PRH1: variants seen among roughly 807,000 people sequenced by gnomAD.
PRH1 encodes proline rich protein HaeIII subfamily 1, also known as salivary acidic proline-rich phosphoprotein 1/2.
PRH1 carries 7 observed loss-of-function variants against 7.9 expected under a neutral mutation model. That is an observed-to-expected ratio of 0.89 (90% CI 0.50 to 1.67). PRH1 has a LOEUF of 1.67. Among genes scored for constraint, PRH1 ranks in the 40% most tolerant of loss-of-function variants. The pLI is 0.00. For synonymous variants in PRH1, 45 were observed against 80.8 expected (o/e 0.56, Z 2.38); for missense variants, 109 against 223.6 (o/e 0.49, Z 3.27).
intron 1 of PRH1, among the ~76,000 whole-genome samples, chr12:11,085,991 A>G (rs1035151329): frequency 0.35 from 29,110 of 83,670 alleles, 2,871 homozygotes; most frequent in Non-Finnish European, 0.44. Flanking sequence ...TACTAAAAGC[A>G]TCCAAGGTTT....
rs1434722490 is a variant in PRH1, at chr12:11,098,099, A to G, written n.124-50911T>C. Among the ~76,000 whole-genome samples, 4 of 82,074 alleles carry G rather than the reference A, an allele frequency of 4.9e-5. 1 individual carries two copies. The highest frequency in any genetic ancestry group is 1.2e-4 in the African/African-American group (4 of 32,388). 53.8% of individuals were successfully genotyped at this position (82,074 alleles called of 152,430 possible). A position where few individuals can be genotyped will look rare whatever the true frequency, so the allele number is the denominator to read the frequency against. ...CAAATAGTCTATGCAATAATACAGT[A>G]TATCAACTTTAGTTTATCTTTTAAT... On this transcript the variant is annotated intron_variant and non_coding_transcript_variant, in intron 1 of 4. Transcript: ENST00000541977.
chr12:11,044,736 A>C (rs753128281), intron 1 of PRH1, among the ~76,000 whole-genome samples: 21 of 152,176 alleles, frequency 1.4e-4, no homozygotes, highest in Non-Finnish European at 2.2e-4. Context: ...GAGAAATGCA[A>C]ACCAAAACTA....
At chr12:11,026,507 A>G (rs921348151) in intron 1 of PRH1, among the ~76,000 whole-genome samples, 3 of 148,730 alleles carry the variant, frequency 2.0e-5, no homozygotes, top group Middle Eastern at 3.2e-3. Context: ...ACATTATTAT[A>G]GCAGGACCAA....
intron 2 of PRH1, among the ~76,000 whole-genome samples, chr12:10,970,965 T>C (rs1310660833): frequency 6.6e-6 from 1 of 152,252 alleles, no homozygotes; most frequent in East Asian, 1.9e-4. Context: ...GAATATGTAG[T>C]TTCAGTGTAA....
At chr12:11,037,659 T>C (rs1942494776) in intron 1 of PRH1, among the ~76,000 whole-genome samples, 1 of 152,264 alleles carries the variant, frequency 6.6e-6, no homozygotes, top group Non-Finnish European at 1.5e-5. Context: ...TAATAAATAT[T>C]CAAATTTTGA....
chr12:10,934,483 G>A (rs1407494241), intron 2 of PRH1, among the ~76,000 whole-genome samples: 1 of 151,980 alleles, frequency 6.6e-6, no homozygotes, highest in Admixed American at 6.6e-5. Flanking sequence ...ATTATAATGA[G>A]GATACTATAC....
intron 1 of PRH1, among the ~76,000 whole-genome samples, chr12:11,073,978 G>T (rs112906603): frequency 0.49 from 59,737 of 121,174 alleles, 12,188 homozygotes; most frequent in Non-Finnish European, 0.58. Context: ...ACTACACAAG[G>T]CATCTGCTTA....
chr12:11,125,628 T>G (rs1344953589), intron 1 of PRH1, among the ~76,000 whole-genome samples: 2 of 152,298 alleles, frequency 1.3e-5, no homozygotes, highest in African/African-American at 4.8e-5. Flanking sequence ...ATTATAATCT[T>G]TGAATGGTAA....
intron 1 of PRH1, among the ~76,000 whole-genome samples, chr12:11,069,193 A>G (rs76942475): frequency 0.52 from 62,253 of 119,800 alleles, 13,717 homozygotes; most frequent in Non-Finnish European, 0.6. Flanking sequence ...GCTCAATTAC[A>G]GGCTTGAGCC....
intron 1 of PRH1, among the ~76,000 whole-genome samples, chr12:10,977,049 TC>T (rs1307547206): frequency 6.6e-6 from 1 of 152,130 alleles, no homozygotes; most frequent in East Asian, 1.9e-4. Flanking sequence ...AAGGGACTCC[TC>T]CATAACTCAT....
intron 1 of PRH1, among the ~76,000 whole-genome samples, chr12:11,110,349 C>T (rs1167996047): frequency 6.6e-6 from 1 of 151,840 alleles, no homozygotes; most frequent in Non-Finnish European, 1.5e-5. Flanking sequence ...AGAAGAGCAC[C>T]CAAAAATACA....
chr12:10,984,957 T>C (rs1939531390), intron 1 of PRH1, among the ~76,000 whole-genome samples: 1 of 152,012 alleles, frequency 6.6e-6, no homozygotes, highest in Admixed American at 6.6e-5. Context: ...TATTTTTACA[T>C]AGAGTATTTT....
intron 1 of PRH1, among the ~76,000 whole-genome samples, chr12:11,123,844 T>C (rs189471332): frequency 9.5e-4 from 145 of 152,344 alleles, no homozygotes; most frequent in African/African-American, 3.3e-3. Flanking sequence ...TTTTTAGTTT[T>C]CTTGTTTTAG....
intron 2 of PRH1, among the ~76,000 whole-genome samples, chr12:10,906,663 AG>A (rs1386429919): frequency 6.6e-6 from 1 of 152,194 alleles, no homozygotes; most frequent in Non-Finnish European, 1.5e-5. Flanking sequence ...TGTTTTTATA[AG>A]GGGTTTCCCC....
intron 1 of PRH1, among the ~76,000 whole-genome samples, chr12:11,146,679 C>T (rs1946870641): frequency 6.6e-6 from 1 of 152,094 alleles, no homozygotes; most frequent in Non-Finnish European, 1.5e-5. Flanking sequence ...AAATAATTTA[C>T]ATTTTTCTTA....
At position 11,022,484 on chromosome 12, in the gene PRH1, C is replaced by G. The variant is rs148321574; in HGVS notation, c.-126+24536G>C. ...GTGTTAACCCAGTCAATGACATTTA[C>G]TAGGGCTATGAAGCCATTGGCAACA... On this transcript the variant is annotated intron_variant, in intron 1 of 3. Transcript: ENST00000539853. 79 of 1,596,912 alleles carry G rather than the reference C, an allele frequency of 4.9e-5. No homozygotes were observed. In the Middle Eastern group the frequency reaches 6.7e-4, roughly 13 times the overall value.
rs181511548 is a variant in PRH1, at chr12:10,912,782, A to G, written c.-58-28507T>C. On this transcript the variant is annotated intron_variant, in intron 2 of 3. Coordinates refer to the PRH1 transcript ENST00000539853. ...AATATATGTTCGAGTTTCCATTTAC[A>G]TAAAATTTTCTCTGCTAAAATTTAT... Among the ~76,000 whole-genome samples the G allele has an allele frequency of 8.2e-3, 1,250 of 152,268 alleles. 16 individuals are homozygous for G. The highest frequency in any genetic ancestry group is 0.015 in the Non-Finnish European group (1,021 of 67,998).
At chr12:11,030,928 AG>A in intron 1 of PRH1, 2 of 1,614,278 alleles carry the variant, frequency 1.2e-6, no homozygotes, top group South Asian at 1.1e-5. Flanking sequence ...AAAATAGTAA[AG>A]GCCCCAACAG....
intron 2 of PRH1, among the ~76,000 whole-genome samples, chr12:10,962,146 T>C (rs909805118): frequency 3.3e-5 from 5 of 152,190 alleles, no homozygotes; most frequent in African/African-American, 1.2e-4. Context: ...ATTCATTCAG[T>C]GGTATAATTT....
Sources: allele counts gnomAD v4.1 joint callset (sites outside exome capture counted in the v4.1 genomes callset), GRCh38; gene constraint gnomAD v4.1.1; transcripts MANE v1.5; gene names NCBI Gene and HGNC (gene_info 2026-07-23, HGNC 2026-07-21).